Variants in CDH13 observed in about 807,000 individuals in gnomAD.
The protein encoded by CDH13 is cadherin 13.
In CDH13, 24 loss-of-function variants were observed where a neutral mutation model predicts 63.8. The ratio of observed to expected loss-of-function variants is 0.38; its 90% CI spans 0.27 to 0.53. The LOEUF (loss-of-function observed/expected upper bound fraction) is 0.53. Among genes scored for constraint, CDH13 ranks in the 20% least tolerant of loss-of-function variants. CDH13 has a pLI of 0.85. For synonymous variants in CDH13, 503 were observed against 355.3 expected (o/e 1.42, Z -4.67); for missense variants, 1,049 against 903.1 (o/e 1.16, Z -2.07).
chr16:82,952,842 C>G (rs1044100066), intron 2 of CDH13, among the ~76,000 whole-genome samples: 1 of 152,146 alleles, frequency 6.6e-6, no homozygotes, highest in Non-Finnish European at 1.5e-5. Context: ...TCTTGTTCTC[C>G]CTCCACCTCT....
At chr16:83,669,470 C>T (rs1293218082) in intron 8 of CDH13, among the ~76,000 whole-genome samples, 2 of 152,142 alleles carry the variant, frequency 1.3e-5, no homozygotes, top group Non-Finnish European at 2.9e-5. Flanking sequence ...CGAATCAGAT[C>T]AAAATAATTG....
chr16:83,760,879 T>C (rs1393867872), intron 11 of CDH13, among the ~76,000 whole-genome samples: 2 of 152,242 alleles, frequency 1.3e-5, no homozygotes, highest in Non-Finnish European at 2.9e-5. Flanking sequence ...ACTCTCAGCA[T>C]CTTGTTCCAA....
intron 6 of CDH13, among the ~76,000 whole-genome samples, chr16:83,345,730 A>G (rs2090825732): frequency 6.6e-6 from 1 of 152,216 alleles, no homozygotes; most frequent in Non-Finnish European, 1.5e-5. Context: ...GAGAAAATGA[A>G]AGAATAAAAC....
At chr16:83,682,027 A>G (rs961253015) in intron 10 of CDH13, among the ~76,000 whole-genome samples, 6 of 152,166 alleles carry the variant, frequency 3.9e-5, no homozygotes, top group African/African-American at 1.4e-4. Context: ...AGTATCTCTA[A>G]TATCTTTTTC....
chr16:83,216,813 T>C lies in CDH13; in HGVS notation c.484-532T>C, dbSNP rs145150863. The stretch of plus-strand genomic sequence containing the variant: ...CCCTAAATAGATGTGTGTATGTGTA[T>C]ATATGTGTATATATGTATATGTATA... On this transcript the variant is annotated intron_variant, in intron 4 of 13. Coordinates refer to ENST00000567109, the MANE Select transcript of CDH13 (RefSeq NM_001257.5). 3.7e-3 allele frequency among the ~76,000 whole-genome samples: 565 copies of C among 151,028 alleles called. 1 individual carries two copies. Among genetic ancestry groups the C allele is most frequent in the Middle Eastern group, 0.011 (3 of 284 alleles).
intron 5 of CDH13, among the ~76,000 whole-genome samples, chr16:83,226,381 T>C (rs1437291769): frequency 6.6e-6 from 1 of 152,200 alleles, no homozygotes; most frequent in Non-Finnish European, 1.5e-5. Context: ...CATATTTTTC[T>C]CTGAACTTCA....
rs71272416 is a variant in CDH13 at position 83,265,727 on chromosome 16, C to CTTTTTTTTT, written c.636+48248_636+48256dup. On this transcript the variant is annotated intron_variant, in intron 5 of 13. Transcript: ENST00000567109. The stretch of plus-strand genomic sequence containing the variant: ...GTTTTCTGTTGCTTCTAAATTTCTG[C>CTTTTTTTTT]TTTTTTTTTTTTTTTTTTTTTTTTT... 1.1e-3 allele frequency among the ~76,000 whole-genome samples: 47 copies of CTTTTTTTTT among 42,566 alleles called. 9 individuals are homozygous for CTTTTTTTTT. Among genetic ancestry groups the CTTTTTTTTT allele is most frequent in the East Asian group, 2.5e-3 (5 of 1,976 alleles). The allele number at this position is 42,566 out of a possible 152,430, so 27.9% of individuals were successfully genotyped here. A position where few individuals can be genotyped will look rare whatever the true frequency, so the allele number is the denominator to read the frequency against.
intron 6 of CDH13, among the ~76,000 whole-genome samples, chr16:83,361,870 GC>G (rs1355426540): frequency 6.6e-6 from 1 of 152,030 alleles, no homozygotes; most frequent in African/African-American, 2.4e-5. Flanking sequence ...GATGCCTCTG[GC>G]TTTGTTCATT....
chr16:83,742,825 C>T (rs1284947059), intron 10 of CDH13, among the ~76,000 whole-genome samples: 1 of 152,194 alleles, frequency 6.6e-6, no homozygotes, highest in Non-Finnish European at 1.5e-5. Context: ...AGGTGTGTTT[C>T]TGAGTAGGAG....
At chr16:83,166,600 C>T (rs984352300) in intron 4 of CDH13, among the ~76,000 whole-genome samples, 16 of 152,100 alleles carry the variant, frequency 1.1e-4, no homozygotes, top group Non-Finnish European at 2.1e-4. Context: ...GTTGGGACAG[C>T]AGTTCAGAGG....
At chr16:82,777,034 C>A (rs138926777) in intron 1 of CDH13, among the ~76,000 whole-genome samples, 3 of 152,336 alleles carry the variant, frequency 2.0e-5, no homozygotes, top group Non-Finnish European at 4.4e-5. Flanking sequence ...CAGCCTTGAA[C>A]TTCTGAGTTC....
At chr16:82,949,797 T>A (rs998140619) in intron 2 of CDH13, among the ~76,000 whole-genome samples, 3 of 152,120 alleles carry the variant, frequency 2.0e-5, no homozygotes, top group Non-Finnish European at 4.4e-5. Context: ...AGCCTCTTTG[T>A]GTTAATTATA....
chr16:83,407,107 C>A (rs1017744350), intron 6 of CDH13, among the ~76,000 whole-genome samples: 1 of 152,224 alleles, frequency 6.6e-6, no homozygotes, highest in Non-Finnish European at 1.5e-5. Context: ...TGAGCGCCTA[C>A]TGTGTGCCAG....
chr16:82,916,910 C>T (rs1395702399), intron 2 of CDH13, among the ~76,000 whole-genome samples: 1 of 152,178 alleles, frequency 6.6e-6, no homozygotes, highest in Admixed American at 6.5e-5. Context: ...GACCAAAGTT[C>T]TGGTTAGTAT....
At chr16:83,733,655 C>T (rs916764539) in intron 10 of CDH13, among the ~76,000 whole-genome samples, 1 of 152,170 alleles carries the variant, frequency 6.6e-6, no homozygotes, top group Non-Finnish European at 1.5e-5. Context: ...GACTCAGAGA[C>T]CCAGGTGCCA....
At chr16:83,066,353 T>G (rs1021311413) in intron 3 of CDH13, among the ~76,000 whole-genome samples, 2 of 152,104 alleles carry the variant, frequency 1.3e-5, no homozygotes, top group Non-Finnish European at 2.9e-5. Flanking sequence ...TTCGGAGACA[T>G]GCAGGCTTCC....
At chr16:83,039,190 T>C (rs1297221518) in intron 3 of CDH13, among the ~76,000 whole-genome samples, 1 of 152,236 alleles carries the variant, frequency 6.6e-6, no homozygotes, top group Non-Finnish European at 1.5e-5. Flanking sequence ...CTGGAGTTAT[T>C]CCTCAAATGC....
At chr16:83,013,505 A>T (rs1157007562) in intron 2 of CDH13, among the ~76,000 whole-genome samples, 1 of 152,166 alleles carries the variant, frequency 6.6e-6, no homozygotes, top group Non-Finnish European at 1.5e-5. Flanking sequence ...TTTCCCTTCC[A>T]CATGATCTGT....
chr16:82,955,627 C>A (rs1315333911), intron 2 of CDH13, among the ~76,000 whole-genome samples: 1 of 152,122 alleles, frequency 6.6e-6, no homozygotes, highest in African/African-American at 2.4e-5. Flanking sequence ...GAATCAGTCA[C>A]TGTGTTAGGT....
Sources: gnomAD v4.1 joint callset for allele counts (sites outside exome capture counted in the v4.1 genomes callset) on GRCh38, gnomAD v4.1.1 for gene constraint, MANE v1.5 for transcripts, NCBI Gene and HGNC (gene_info 2026-07-23, HGNC 2026-07-21) for gene names.